Variants in TMEM19 observed in about 807,000 individuals in gnomAD.
TMEM19 encodes the protein transmembrane protein 19.
TMEM19 carries 21 observed loss-of-function variants against 33.6 expected under a neutral mutation model. That is an observed-to-expected ratio of 0.62 (90% CI 0.44 to 0.90). The LOEUF is 0.90. TMEM19 is among the 40% of genes least tolerant of loss of function. TMEM19 has a pLI of 0.00. For missense variants in TMEM19, 402 were observed against 401.8 expected, an observed-to-expected ratio of 1.00 and a Z score of 0.00; for synonymous variants, 149 against 147.5, an observed-to-expected ratio of 1.01 and a Z score of -0.07.
chr12:71,703,698 G>A lies in TMEM19; in HGVS notation c.*2703G>A, dbSNP rs191690838. 743 of 168,104 alleles carry A rather than the reference G, an allele frequency of 4.4e-3. 3 individuals carry two copies. Among genetic ancestry groups the A allele is most frequent in the Non-Finnish European group, 6.3e-3 (487 of 77,074 alleles). The allele number at this position is 168,104 out of a possible 1,614,324, so 10.4% of individuals were successfully genotyped here. On this transcript the variant is annotated 3_prime_UTR_variant, in exon 6 of 6. Coordinates refer to ENST00000266673, the MANE Select transcript of TMEM19 (RefSeq NM_018279.4). The stretch of plus-strand genomic sequence containing the variant: ...TACTAAAAAAAAGTCTGGGATGGCA[G>A]CTCATTATCAAATATACTCCTATTT...
chr12:71,689,436 T>C (rs1881747091), intron 1 of TMEM19, among the ~76,000 whole-genome samples, 155 bp from the exon 2 acceptor site: 2 of 152,202 alleles, frequency 1.3e-5, no homozygotes, highest in South Asian at 4.1e-4. Context: ...TCCCTATCTT[T>C]AAGTGATGCA....
chr12:71,691,322 T>TG (rs1453518814), intron 2 of TMEM19, among the ~76,000 whole-genome samples: 3 of 151,696 alleles, frequency 2.0e-5, no homozygotes, highest in African/African-American at 7.3e-5. Context: ...GTATTAGGAG[T>TG]GGTTATATTT....
In TMEM19 at chr12:71,701,127, AT is replaced by A. The variant is rs941457514; in HGVS notation, c.*135del. ...TCCTCCTGTATTCCATTGAGATGGG[AT>A]TTCACATTTTCCTCTCATCAACTCC... On this transcript the variant is annotated 3_prime_UTR_variant, in exon 6 of 6. Coordinates refer to ENST00000266673, the MANE Select transcript of TMEM19 (RefSeq NM_018279.4). 5 of 928,716 alleles carry A rather than the reference AT, an allele frequency of 5.4e-6. No homozygotes were observed. In the African/African-American group the frequency reaches 6.7e-5, roughly 12 times the overall value. 57.5% of individuals were successfully genotyped at this position (928,716 alleles called of 1,614,324 possible).
rs749284421 is a variant in TMEM19, at chr12:71,697,361, GC to G, written c.468del (p.Glu158LysfsTer39). The G allele has an allele frequency of 4.3e-5, 70 of 1,611,518 alleles. No individual in the cohort carries two copies. In the African/African-American group the frequency reaches 8.2e-4, roughly 19 times the overall value. On this transcript the variant is annotated frameshift_variant, in exon 4 of 6. Transcript: ENST00000266673. LOFTEE classifies it high-confidence loss of function. ...ELALLYMIEN[G>X]PGEIPVDFSK... ...GCCCTGCTGTACATGATAGAAAATG[GC>G]CCCGGGGAAATCCCAGTCGATTTTT...
At chr12:71,698,876 A>C in intron 4 of TMEM19, 24 bp from the exon 5 acceptor site, 1 of 1,610,678 alleles carries the variant, frequency 6.2e-7, no homozygotes, top group South Asian at 1.1e-5. Context: ...TAACCGGATG[A>C]TTTTCTGCAT....
intron 2 of TMEM19, among the ~76,000 whole-genome samples, chr12:71,690,733 G>A (rs527978965): frequency 6.6e-5 from 10 of 152,130 alleles, no homozygotes; most frequent in Non-Finnish European, 1.3e-4. Flanking sequence ...ATTTTGCACT[G>A]GTATCTGAAG....
At position 71,697,397 on chromosome 12, in the gene TMEM19, A is replaced by G. The variant is rs751308913; in HGVS notation, c.500A>G (p.Tyr167Cys). The G allele has an allele frequency of 1.2e-6, 2 of 1,610,868 alleles. No individual in the cohort carries two copies. Among genetic ancestry groups the G allele is most frequent in the South Asian group, 1.1e-5 (1 of 90,444 alleles). The change falls in exon 4 of 6, where the codon TAC (tyrosine) becomes TGC (cysteine). Residue 167 changes from tyrosine to cysteine, a missense_variant. Transcript: ENST00000266673. Reference protein sequence around the residue: ...GEIPVDFSKQYSASWMCLSLL... With the variant: ...GEIPVDFSKQCSASWMCLSLL... The stretch of plus-strand genomic sequence containing the variant: ...ATCCCAGTCGATTTTTCCAAGCAGT[A>G]CTCCGCTTCCTGGATGTGTTTGTCT...
intron 2 of TMEM19, among the ~76,000 whole-genome samples, chr12:71,692,192 A>G (rs902709411): frequency 6.6e-6 from 1 of 152,254 alleles, no homozygotes; most frequent in South Asian, 2.1e-4. Context: ...CCATATTTTT[A>G]TACGTGAATG....
At chr12:71,687,697 T>C (rs1421849521) in intron 1 of TMEM19, among the ~76,000 whole-genome samples, 1 of 152,218 alleles carries the variant, frequency 6.6e-6, no homozygotes, top group African/African-American at 2.4e-5. Context: ...ATAGACTCCT[T>C]TTAAAGCCTA....
intron 2 of TMEM19, among the ~76,000 whole-genome samples, chr12:71,690,136 C>T (rs1409714117): frequency 2.0e-5 from 3 of 152,124 alleles, no homozygotes; most frequent in African/African-American, 7.2e-5. Flanking sequence ...GAGTTGAGAA[C>T]AGGATATGCA....
In TMEM19 at chr12:71,687,021, C is replaced by CT. The variant is rs34090337; in HGVS notation, c.130+222dup. 2.0e-3 allele frequency among the ~76,000 whole-genome samples: 301 copies of CT among 147,696 alleles called. 4 individuals are homozygous for CT. The highest frequency in any genetic ancestry group is 0.011 in the Middle Eastern group (3 of 284). ...GTGATAATTCGAGTTATACCTATTT[C>CT]TTTTTTTTTTTAATTTTTATTTTGT... On this transcript the variant is annotated intron_variant, in intron 1 of 5. Transcript: ENST00000266673.
chr12:71,687,103 G>T (rs1257661838), intron 1 of TMEM19, among the ~76,000 whole-genome samples: 1 of 151,950 alleles, frequency 6.6e-6, no homozygotes, highest in East Asian at 1.9e-4. Context: ...AGGCTCAAGT[G>T]ATCCTCCCAC....
In TMEM19 at chr12:71,701,033, C is replaced by T; in HGVS notation, c.*38C>T. 2 of 1,507,094 alleles carry T rather than the reference C, an allele frequency of 1.3e-6. No individual in the cohort carries two copies. Among genetic ancestry groups the T allele is most frequent in the Non-Finnish European group, 1.8e-6 (2 of 1,124,012 alleles). The allele number at this position is 1,507,094 out of a possible 1,614,324, so 93.4% of individuals were successfully genotyped here. A position where few individuals can be genotyped will look rare whatever the true frequency, so the allele number is the denominator to read the frequency against. On this transcript the variant is annotated 3_prime_UTR_variant, in exon 6 of 6. Transcript: ENST00000266673. ...TTCCACAGGTTGAAACTGGTGAGTCCAGCTAAATTTGCAATTCCAACTTTC... is the reference window on the plus strand; with the variant it reads ...TTCCACAGGTTGAAACTGGTGAGTCTAGCTAAATTTGCAATTCCAACTTTC...
intron 1 of TMEM19, among the ~76,000 whole-genome samples, chr12:71,687,552 G>A (rs1402599811): frequency 8.6e-5 from 13 of 150,422 alleles, no homozygotes; most frequent in Non-Finnish European, 5.9e-5. Context: ...GCGAGAATCC[G>A]TCTCAAAAAA....
rs1310325649 is a variant in TMEM19, at chr12:71,701,906, C to G, written c.*911C>G. ...AAATGCTATGATTTTTCTATTATTA[C>G]CTTCTAAGTTGTATTCTCTCTTACA... On this transcript the variant is annotated 3_prime_UTR_variant, in exon 6 of 6. Transcript: ENST00000266673. 1 of 152,152 alleles carries G rather than the reference C, an allele frequency of 6.6e-6. No homozygotes were observed. The highest frequency in any genetic ancestry group is 1.5e-5 in the Non-Finnish European group (1 of 68,030). 9.4% of individuals were successfully genotyped at this position (152,152 alleles called of 1,614,324 possible).
At chr12:71,700,724 C>G (rs1436163985) in intron 5 of TMEM19, 108 bp from the exon 6 acceptor site, 2 of 1,101,994 alleles carry the variant, frequency 1.8e-6, no homozygotes, top group East Asian at 2.8e-5. Context: ...AAATCAAGTA[C>G]ATGTACCCTA....
At position 71,703,218 on chromosome 12, in the gene TMEM19, A is replaced by T. The variant is rs1215452389; in HGVS notation, c.*2223A>T. On this transcript the variant is annotated 3_prime_UTR_variant, in exon 6 of 6. Transcript: ENST00000266673. ...AAAAAAAAAAAAAAAAAAAAAAAAA[A>T]AAAAAAAAGAATATTCTAAGCACTA... The T allele has an allele frequency of 2.1e-5, 3 of 140,350 alleles. No homozygotes were observed. Among genetic ancestry groups the T allele is most frequent in the Admixed American group, 7.1e-5 (1 of 14,056 alleles). The allele number at this position is 140,350 out of a possible 1,614,324, so 8.7% of individuals were successfully genotyped here.
intron 2 of TMEM19, among the ~76,000 whole-genome samples, chr12:71,693,500 C>A (rs1475136835): frequency 6.6e-6 from 1 of 152,088 alleles, no homozygotes; most frequent in East Asian, 1.9e-4. Context: ...TGTACTTGTC[C>A]TGTCTATAAA....
chr12:71,687,554 CT>C (rs1191424563), intron 1 of TMEM19, among the ~76,000 whole-genome samples: 1 of 149,468 alleles, frequency 6.7e-6, no homozygotes, highest in East Asian at 1.9e-4. Context: ...GAGAATCCGT[CT>C]CAAAAAAAAA....
Sources: gnomAD v4.1 joint callset for allele counts (sites outside exome capture counted in the v4.1 genomes callset) on GRCh38, gnomAD v4.1.1 for gene constraint, MANE v1.5 for transcripts, NCBI Gene and HGNC (gene_info 2026-07-23, HGNC 2026-07-21) for gene names.